Variants in RHAG observed in about 807,000 individuals in gnomAD.
RHAG encodes the protein ammonium transporter Rh type A.
In RHAG, 25 loss-of-function variants were observed where a neutral mutation model predicts 42.4. The ratio of observed to expected loss-of-function variants is 0.59; its 90% CI spans 0.43 to 0.82. The LOEUF is 0.82. RHAG is among the 40% of genes least tolerant of loss of function. The probability of loss-of-function intolerance (pLI) is 0.00; values close to 1 mark genes in which losing one functional copy is unlikely to be tolerated. For synonymous variants in RHAG, 182 were observed against 177.7 expected (o/e 1.02, Z -0.19); for missense variants, 483 against 504.6 (o/e 0.96, Z 0.41).
At chr6:49,610,581 C>G (rs1226864366) in intron 7 of RHAG, among the ~76,000 whole-genome samples, 1 of 152,106 alleles carries the variant, frequency 6.6e-6, no homozygotes, top group Non-Finnish European at 1.5e-5. Context: ...GAGTTGGGGC[C>G]ATATACCAGT....
intron 1 of RHAG, among the ~76,000 whole-genome samples, chr6:49,619,677 C>T (rs187366564): frequency 9.2e-5 from 14 of 152,302 alleles, no homozygotes; most frequent in Admixed American, 7.2e-4. Flanking sequence ...AAGCACAGAG[C>T]AAGCATCACC....
rs143235706 is a variant in RHAG at position 49,632,840 on chromosome 6, G to A, written c.157+3816C>T. Among the ~76,000 whole-genome samples the A allele has an allele frequency of 7.6e-3, 1,150 of 152,220 alleles. 15 individuals carry two copies. Among genetic ancestry groups the A allele is most frequent in the Non-Finnish European group, 0.01 (695 of 67,998 alleles). ...TTTTCTCTAGTCCGTCTACATGTTAGCAAGGATTAGCTGACAGACACAGTC... is the reference window on the plus strand; with the variant it reads ...TTTTCTCTAGTCCGTCTACATGTTAACAAGGATTAGCTGACAGACACAGTC... On this transcript the variant is annotated intron_variant, in intron 1 of 9. Transcript: ENST00000371175.
chr6:49,627,740 A>G (rs973759921), intron 1 of RHAG, among the ~76,000 whole-genome samples: 2 of 152,184 alleles, frequency 1.3e-5, no homozygotes, highest in Admixed American at 6.5e-5. Context: ...GAGCAAACTC[A>G]TGTCTTACAT....
intron 5 of RHAG, among the ~76,000 whole-genome samples, chr6:49,613,065 A>G (rs1762593289): frequency 6.6e-6 from 1 of 150,494 alleles, no homozygotes; most frequent in Non-Finnish European, 1.5e-5. Flanking sequence ...GGAAAGAGGA[A>G]CTGATTTTTT....
At chr6:49,615,569 C>T (rs565251809) in intron 4 of RHAG, 55 bp downstream of exon 4, 2 of 1,600,288 alleles carry the variant, frequency 1.2e-6, no homozygotes, top group East Asian at 2.2e-5. Flanking sequence ...TGAAGTTAAC[C>T]TTCTCTGGTG....
intron 5 of RHAG, among the ~76,000 whole-genome samples, chr6:49,613,838 A>T (rs1275451479): frequency 1.3e-5 from 2 of 152,248 alleles, no homozygotes; most frequent in Non-Finnish European, 2.9e-5. Flanking sequence ...CATGGAATCG[A>T]AATTAGCATT....
At chr6:49,607,340 C>T (rs1265673078) in intron 7 of RHAG, 120 bp from the exon 8 acceptor site, 9 of 751,496 alleles carry the variant, frequency 1.2e-5, no homozygotes, top group Middle Eastern at 2.3e-4. Context: ...TACACAGCAG[C>T]AAATTAAGCA....
At chr6:49,610,798 C>T (rs1042232785) in intron 7 of RHAG, among the ~76,000 whole-genome samples, 4 of 152,182 alleles carry the variant, frequency 2.6e-5, no homozygotes, top group African/African-American at 9.7e-5. Context: ...CTGGTAAAGA[C>T]ATTTAAAATA....
chr6:49,634,215 G>A (rs1762974227), intron 1 of RHAG, among the ~76,000 whole-genome samples: 1 of 151,946 alleles, frequency 6.6e-6, no homozygotes, highest in African/African-American at 2.4e-5. Context: ...ACAAACACTA[G>A]AACTTTTTCC....
At chr6:49,614,132 A>G (rs965915260) in intron 5 of RHAG, among the ~76,000 whole-genome samples, 2 of 152,056 alleles carry the variant, frequency 1.3e-5, no homozygotes, top group East Asian at 1.9e-4. Context: ...TTCATTCTCT[A>G]CTAGACTGTA....
chr6:49,613,446 C>A (rs1209290597), intron 5 of RHAG, among the ~76,000 whole-genome samples: 1 of 152,160 alleles, frequency 6.6e-6, no homozygotes, highest in African/African-American at 2.4e-5. Flanking sequence ...CAGAGGTCAT[C>A]AGTACTTTTA....
chr6:49,605,861 T>C, intron 9 of RHAG, 31 bp from the exon 10 acceptor site: 1 of 1,584,500 alleles, frequency 6.3e-7, no homozygotes. Flanking sequence ...GGGCACTTAA[T>C]AGTTTATTTC....
intron 1 of RHAG, among the ~76,000 whole-genome samples, chr6:49,632,980 G>A (rs1405098877): frequency 6.6e-6 from 1 of 151,990 alleles, no homozygotes; most frequent in Non-Finnish European, 1.5e-5. Flanking sequence ...GTATCTCAGG[G>A]GATATTCATG....
At chr6:49,613,807 A>G (rs944514811) in intron 5 of RHAG, among the ~76,000 whole-genome samples, 1 of 152,242 alleles carries the variant, frequency 6.6e-6, no homozygotes, top group African/African-American at 2.4e-5. Context: ...TTTCTCAAAT[A>G]AGATGTTAAT....
intron 7 of RHAG, among the ~76,000 whole-genome samples, chr6:49,610,543 T>C (rs1222806805): frequency 6.6e-6 from 1 of 152,196 alleles, no homozygotes; most frequent in East Asian, 1.9e-4. Flanking sequence ...GAGTGATACC[T>C]CAGAGGTCAC....
intron 7 of RHAG, among the ~76,000 whole-genome samples, chr6:49,608,694 CT>C (rs1451489814): frequency 1.3e-5 from 2 of 152,080 alleles, no homozygotes; most frequent in African/African-American, 4.8e-5. Context: ...TTCTTAAGAA[CT>C]TTTCCAAATA....
At chr6:49,610,926 C>T in intron 7 of RHAG, 98 bp downstream of exon 7, 2 of 1,476,964 alleles carry the variant, frequency 1.4e-6, no homozygotes, top group Non-Finnish European at 1.9e-6. Flanking sequence ...CAATACAAAC[C>T]ATGGCCAGAA....
intron 7 of RHAG, among the ~76,000 whole-genome samples, chr6:49,608,347 C>A (rs1326810623): frequency 6.6e-6 from 1 of 152,130 alleles, no homozygotes; most frequent in Non-Finnish European, 1.5e-5. Flanking sequence ...TAATATAAAA[C>A]CTATCTAGAA....
At chr6:49,627,532 T>A (rs981894962) in intron 1 of RHAG, among the ~76,000 whole-genome samples, 3 of 152,180 alleles carry the variant, frequency 2.0e-5, no homozygotes, top group Non-Finnish European at 4.4e-5. Context: ...GTTACCCATT[T>A]CCAAAGTTGC....
Sources: gnomAD v4.1 joint callset for allele counts (sites outside exome capture counted in the v4.1 genomes callset) on GRCh38, gnomAD v4.1.1 for gene constraint, MANE v1.5 for transcripts, NCBI Gene and HGNC (gene_info 2026-07-23, HGNC 2026-07-21) for gene names.